Variants in HCFC2 observed in about 807,000 individuals in gnomAD.
HCFC2 encodes the protein host cell factor 2.
A neutral mutation model predicts 89.2 loss-of-function variants in HCFC2; 18 were observed. The observed-to-expected ratio is 0.20, with a 90% CI of 0.14 to 0.30. The LOEUF (loss-of-function observed/expected upper bound fraction) is 0.30. HCFC2 is among the 10% of genes least tolerant of loss of function. HCFC2 has a pLI of 1.00. For missense variants in HCFC2, 578 were observed against 956.1 expected (o/e 0.60, Z 5.21); for synonymous variants, 308 against 335.7 (o/e 0.92, Z 0.90).
intron 9 of HCFC2, among the ~76,000 whole-genome samples, chr12:104,089,511 G>A (rs1045824660): frequency 1.3e-4 from 20 of 152,026 alleles, no homozygotes; most frequent in South Asian, 4.1e-4. Flanking sequence ...GCAAGACTCC[G>A]TCTCAAAAAA....
intron 9 of HCFC2, chr12:104,091,041 G>C (rs1035520157): frequency 1.3e-5 from 2 of 152,138 alleles, no homozygotes; most frequent in South Asian, 4.1e-4. Flanking sequence ...CAGAATTCTG[G>C]GAGCTTAGTA....
intron 8 of HCFC2, among the ~76,000 whole-genome samples, chr12:104,087,238 C>T (rs1883880235): frequency 6.6e-6 from 1 of 151,528 alleles, no homozygotes; most frequent in Non-Finnish European, 1.5e-5. Context: ...CCTGTAATCC[C>T]AGCTACTTGG....
intron 5 of HCFC2, among the ~76,000 whole-genome samples, chr12:104,082,290 G>A (rs930296513): frequency 4.6e-5 from 7 of 152,232 alleles, no homozygotes; most frequent in African/African-American, 9.6e-5. Context: ...AGAAATAATT[G>A]TGATTCTGTA....
Position 104,088,016 on chromosome 12 carries a change from G to A in HCFC2, c.1262G>A (p.Ser421Asn). 1 of 1,608,066 alleles carries A rather than the reference G, an allele frequency of 6.2e-7. No homozygotes were observed. Among genetic ancestry groups the A allele is most frequent in the Non-Finnish European group, 8.5e-7 (1 of 1,176,480 alleles). ...AGGATGGACCCTCACAGACAAGGCA[G>A]TAATAACATCGTTCCTAACAGTGTA... ...GVRMDPHRQGSNNIVPNSIND... is the reference protein window; with the variant it reads ...GVRMDPHRQGNNNIVPNSIND... Residue 421 changes from serine (S) to asparagine (N), a missense_variant, in exon 9 of 15, where the codon AGT becomes AAT. Around this residue, in one of 4 missense-constraint regions of HCFC2, gnomAD observed 210 missense variants for 251.7 expected, o/e 0.83. Coordinates refer to ENST00000229330, the MANE Select transcript of HCFC2 (RefSeq NM_013320.3).
rs1311405412 is a variant in HCFC2, at chr12:104,104,634, G to A, written c.*1361G>A. On this transcript the variant is annotated 3_prime_UTR_variant, in exon 15 of 15. Coordinates refer to ENST00000229330, the MANE Select transcript of HCFC2 (RefSeq NM_013320.3). The stretch of plus-strand genomic sequence containing the variant: ...CCCCAGCAAAGATGGATTTAATTGT[G>A]CAGAATTGATATATATGTGTGTTCC... 6.6e-6 allele frequency: 1 copy of A among 151,896 alleles called. No individual in the cohort carries two copies. 9.4% of individuals were successfully genotyped at this position (151,896 alleles called of 1,614,324 possible).
At position 104,079,442 on chromosome 12, in the gene HCFC2, T is replaced by C; in HGVS notation, c.474-3T>C. 17 of 1,605,940 alleles carry C rather than the reference T, an allele frequency of 1.1e-5. No individual in the cohort carries two copies. The highest frequency in any genetic ancestry group is 1.4e-5 in the Non-Finnish European group (17 of 1,174,086). ...TGTTTTAATTTTTTCTATGATATCCTAGATATTTAAATGATTTTTATGAGT... is the reference window on the plus strand; with the variant it reads ...TGTTTTAATTTTTTCTATGATATCCCAGATATTTAAATGATTTTTATGAGT... On this transcript the variant is annotated splice_polypyrimidine_tract_variant and splice_region_variant and intron_variant, in intron 3 of 14. Transcript: ENST00000229330.
At chr12:104,076,418 A>G (rs1431253786) in intron 3 of HCFC2, among the ~76,000 whole-genome samples, 1 of 142,888 alleles carries the variant, frequency 7.0e-6, no homozygotes, top group African/African-American at 2.6e-5. Flanking sequence ...ACTTGTGTAC[A>G]TCGTTTTGTT....
At chr12:104,096,705 C>T (rs1408976542) in intron 12 of HCFC2, among the ~76,000 whole-genome samples, 1 of 152,176 alleles carries the variant, frequency 6.6e-6, no homozygotes, top group Admixed American at 6.5e-5. Flanking sequence ...CCACACATAA[C>T]CACTCTGAAA....
intron 12 of HCFC2, among the ~76,000 whole-genome samples, chr12:104,096,979 A>G (rs552626139): frequency 2.6e-4 from 40 of 152,326 alleles, no homozygotes; most frequent in African/African-American, 9.1e-4. Flanking sequence ...GGGTAGCCCA[A>G]TAATCTCTGA....
intron 3 of HCFC2, among the ~76,000 whole-genome samples, chr12:104,072,509 C>T (rs1436901888): frequency 6.6e-6 from 1 of 151,964 alleles, no homozygotes; most frequent in Non-Finnish European, 1.5e-5. Context: ...TGGGATGTTT[C>T]TCCATTTATT....
At chr12:104,066,049 T>C (rs1883122320) in intron 1 of HCFC2, 118 bp from the exon 2 acceptor site, 6 of 984,334 alleles carry the variant, frequency 6.1e-6, no homozygotes, top group Non-Finnish European at 6.2e-6. Context: ...CCAAATGTCT[T>C]CTGGGGGGCA....
At chr12:104,076,482 C>T (rs998544346) in intron 3 of HCFC2, among the ~76,000 whole-genome samples, 2 of 152,238 alleles carry the variant, frequency 1.3e-5, no homozygotes, top group African/African-American at 4.8e-5. Flanking sequence ...GGATAGCATA[C>T]TGGCTGATAT....
intron 7 of HCFC2, among the ~76,000 whole-genome samples, chr12:104,084,650 A>G (rs1029292211): frequency 7.2e-5 from 11 of 152,216 alleles, no homozygotes; most frequent in African/African-American, 2.7e-4. Context: ...GATGTGACAC[A>G]TTCTGATGTA....
In HCFC2 at chr12:104,097,116, A is replaced by G. The variant is rs911836067; in HGVS notation, c.1740+683A>G. ...AAATACAAGGATAATACATACATAT[A>G]TGTACTTTTGAGGTTTTTTTTTGTT... On this transcript the variant is annotated intron_variant, in intron 12 of 14. Coordinates refer to ENST00000229330, the MANE Select transcript of HCFC2 (RefSeq NM_013320.3). Among the ~76,000 whole-genome samples the G allele has an allele frequency of 2.0e-5, 3 of 152,142 alleles. No individual in the cohort carries two copies. The South Asian group carries it at 6.2e-4, about 31-fold the overall frequency.
At position 104,102,164 on chromosome 12, in the gene HCFC2, G is replaced by T; in HGVS notation, c.2064+11G>T. 6.2e-7 allele frequency: 1 copy of T among 1,606,566 alleles called. No homozygotes were observed. Among genetic ancestry groups the T allele is most frequent in the Non-Finnish European group, 8.5e-7 (1 of 1,174,948 alleles). ...GTCAGAATTTCAAAGGTGAGACATC[G>T]GGTCAAGACTTGTTGGTGATTTTAA... On this transcript the variant is annotated intron_variant, in intron 14 of 14. Coordinates refer to ENST00000229330, the MANE Select transcript of HCFC2 (RefSeq NM_013320.3).
intron 3 of HCFC2, 122 bp from the exon 4 acceptor site, chr12:104,079,323 A>T: frequency 1.3e-6 from 1 of 744,470 alleles, no homozygotes; most frequent in South Asian, 1.9e-5. Flanking sequence ...TGCTCTCCTA[A>T]TGCCTTTCTG....
chr12:104,075,812 A>G (rs1439309025), intron 3 of HCFC2, among the ~76,000 whole-genome samples: 5 of 151,996 alleles, frequency 3.3e-5, no homozygotes, highest in African/African-American at 9.7e-5. Flanking sequence ...AATAATTTGA[A>G]TGCTCATTAG....
intron 7 of HCFC2, 69 bp downstream of exon 7, chr12:104,082,970 C>T: frequency 8.9e-7 from 1 of 1,123,504 alleles, no homozygotes; most frequent in Non-Finnish European, 1.3e-6. Flanking sequence ...CCTTTTGAGA[C>T]TTACTGTAAA....
intron 13 of HCFC2, among the ~76,000 whole-genome samples, chr12:104,100,376 C>T (rs549711680): frequency 3.3e-5 from 5 of 152,010 alleles, no homozygotes; most frequent in African/African-American, 9.6e-5. Context: ...CCCAGGAGTT[C>T]GAGACCAGCC....
Sources: allele counts gnomAD v4.1 joint callset (sites outside exome capture counted in the v4.1 genomes callset), GRCh38; gene constraint gnomAD v4.1.1; regional missense constraint gnomAD v4.1.1; transcripts MANE v1.5; gene names NCBI Gene and HGNC (gene_info 2026-07-23, HGNC 2026-07-21).